Variants in RASAL2 observed in about 807,000 individuals in gnomAD.
RASAL2 encodes the protein ras GTPase-activating protein nGAP.
In RASAL2, 58 loss-of-function variants were observed where a neutral mutation model predicts 128.9. The ratio of observed to expected loss-of-function variants is 0.45; its 90% confidence interval spans 0.36 to 0.56. RASAL2 has a LOEUF of 0.56. RASAL2 is among the 20% of genes least tolerant of loss of function. RASAL2 has a pLI of 0.00. For missense variants in RASAL2, 1,360 were observed against 1,601.6 expected (o/e 0.85, Z 2.57); for synonymous variants, 561 against 580.8 (o/e 0.97, Z 0.49).
intron 1 of RASAL2, among the ~76,000 whole-genome samples, chr1:178,225,110 T>C (rs539981234): frequency 2.0e-5 from 3 of 152,024 alleles, no homozygotes; most frequent in Non-Finnish European, 4.4e-5. Context: ...TCTGGCTTTG[T>C]TGGATTATTT....
At chr1:178,097,210 G>C in intron 1 of RASAL2, among the ~76,000 whole-genome samples, 1 of 152,146 alleles carries the variant, frequency 6.6e-6, no homozygotes, top group East Asian at 1.9e-4. Context: ...GCCACAAGTT[G>C]GTTGTCTAAT....
intron 4 of RASAL2, among the ~76,000 whole-genome samples, chr1:178,412,583 A>C (rs1468886198): frequency 2.0e-5 from 3 of 152,194 alleles, no homozygotes; most frequent in Admixed American, 1.3e-4. Flanking sequence ...CCTTTTCCTT[A>C]TCTGTGTTCC....
chr1:178,191,521 C>T (rs1393845376), intron 1 of RASAL2, among the ~76,000 whole-genome samples: 2 of 152,166 alleles, frequency 1.3e-5, no homozygotes, highest in African/African-American at 4.8e-5. Flanking sequence ...GTGAACCAAA[C>T]TTTGGGTTGC....
At chr1:178,206,021 A>G (rs988226217) in intron 1 of RASAL2, among the ~76,000 whole-genome samples, 3 of 152,074 alleles carry the variant, frequency 2.0e-5, no homozygotes, top group African/African-American at 4.8e-5. Context: ...TGTTATCCTG[A>G]CACTCTGACT....
At chr1:178,235,503 G>A (rs1053255672) in intron 1 of RASAL2, among the ~76,000 whole-genome samples, 2 of 152,074 alleles carry the variant, frequency 1.3e-5, no homozygotes, top group African/African-American at 4.8e-5. Context: ...AAGGAATTTC[G>A]ATTCCAGTAA....
intron 12 of RASAL2, chr1:178,456,366 T>C (rs899870402): frequency 6.6e-6 from 2 of 301,862 alleles, no homozygotes; most frequent in Non-Finnish European, 1.3e-5. Context: ...TCCCCCACCT[T>C]GATCTACTAG....
intron 5 of RASAL2, among the ~76,000 whole-genome samples, chr1:178,438,145 G>GTGT (rs1260262624): frequency 9.0e-5 from 12 of 133,316 alleles, no homozygotes; most frequent in Non-Finnish European, 1.3e-4. Context: ...TGTGTGTGTG[G>GTGT]AAAGAAGAAG....
chr1:178,415,066 A>G (rs1674666665), intron 4 of RASAL2, among the ~76,000 whole-genome samples: 2 of 151,994 alleles, frequency 1.3e-5, no homozygotes, highest in South Asian at 4.1e-4. Context: ...ATTGTTTTCA[A>G]TTTAATCGAT....
At chr1:178,261,953 A>G (rs1665719342) in intron 1 of RASAL2, among the ~76,000 whole-genome samples, 1 of 152,038 alleles carries the variant, frequency 6.6e-6, no homozygotes, top group African/African-American at 2.4e-5. Flanking sequence ...TTGCATTACA[A>G]AAAATCTATA....
intron 13 of RASAL2, 94 bp downstream of exon 13, chr1:178,456,993 T>G (rs1677823243): frequency 7.7e-7 from 1 of 1,301,208 alleles, no homozygotes; most frequent in African/African-American, 1.5e-5. Context: ...TTTACAAGTT[T>G]AAAATCATGA....
chr1:178,442,560 A>G, intron 7 of RASAL2, 115 bp from the exon 8 acceptor site: 1 of 800,754 alleles, frequency 1.2e-6, no homozygotes, highest in Non-Finnish European at 1.9e-6. Flanking sequence ...AATCCCTTTC[A>G]TTATTTGTTG....
chr1:178,457,635 T>C (rs937256803), intron 13 of RASAL2, 48 bp from the exon 14 acceptor site: 3 of 1,577,976 alleles, frequency 1.9e-6, no homozygotes, highest in Non-Finnish European at 1.7e-6. Flanking sequence ...ATCTTAGCCA[T>C]GTTGAAGTTG....
At chr1:178,277,147 CA>C (rs61384367) in intron 1 of RASAL2, among the ~76,000 whole-genome samples, 3,379 of 55,212 alleles carry the variant, frequency 0.061, 12 homozygotes, top group Non-Finnish European at 0.072. Context: ...GATTCCCTCT[CA>C]AAAAAAAAAA....
chr1:178,384,044 AC>A (rs1370406020), intron 3 of RASAL2, among the ~76,000 whole-genome samples: 1 of 152,232 alleles, frequency 6.6e-6, no homozygotes, highest in African/African-American at 2.4e-5. Flanking sequence ...TATGAGAAAA[AC>A]ATTAGAAACT....
chr1:178,166,866 A>G (rs1412882944), intron 1 of RASAL2, among the ~76,000 whole-genome samples: 2 of 152,154 alleles, frequency 1.3e-5, no homozygotes, highest in African/African-American at 4.8e-5. Context: ...AAAGTTCTAT[A>G]TAGTTTTAAA....
At chr1:178,143,094 G>A (rs1660593063) in intron 1 of RASAL2, among the ~76,000 whole-genome samples, 1 of 151,752 alleles carries the variant, frequency 6.6e-6, no homozygotes, top group South Asian at 2.1e-4. Flanking sequence ...GATTTGGAAG[G>A]AACACATATT....
At chr1:178,280,259 T>C (rs1436282740) in intron 1 of RASAL2, among the ~76,000 whole-genome samples, 2 of 152,112 alleles carry the variant, frequency 1.3e-5, no homozygotes, top group African/African-American at 2.4e-5. Flanking sequence ...CACAAAGCAA[T>C]AGATTGAATG....
intron 1 of RASAL2, among the ~76,000 whole-genome samples, chr1:178,176,289 T>G (rs1252567923): frequency 6.6e-6 from 1 of 152,186 alleles, no homozygotes; most frequent in Non-Finnish European, 1.5e-5. Context: ...TGATATCTCC[T>G]TGTGGTTTTA....
At chr1:178,230,809 T>C (rs1311631434) in intron 1 of RASAL2, among the ~76,000 whole-genome samples, 3 of 152,178 alleles carry the variant, frequency 2.0e-5, no homozygotes, top group Non-Finnish European at 2.9e-5. Context: ...CTTAGGGTTT[T>C]ATATGTTGGC....
Sources: gnomAD v4.1 joint callset for allele counts (sites outside exome capture counted in the v4.1 genomes callset) on GRCh38, gnomAD v4.1.1 for gene constraint, MANE v1.5 for transcripts, NCBI Gene and HGNC (gene_info 2026-07-23, HGNC 2026-07-21) for gene names.